Variants in TIMD4 observed in about 807,000 individuals in gnomAD.
TIMD4 encodes the protein T-cell immunoglobulin and mucin domain-containing protein 4.
In TIMD4, 31 loss-of-function variants were observed where a neutral mutation model predicts 41.2. The ratio of observed to expected loss-of-function variants is 0.75; its 90% CI spans 0.57 to 1.01. The LOEUF is 1.01. Ranked by LOEUF, TIMD4 falls within the 50% of genes least tolerant of loss-of-function variation. The pLI is 0.00. For missense variants in TIMD4, 479 were observed against 472.5 expected, an observed-to-expected ratio of 1.01 and a Z score of -0.13; for synonymous variants, 204 against 177.1, an observed-to-expected ratio of 1.15 and a Z score of -1.21.
chr5:156,921,616 C>CCAA (rs1561542964), intron 7 of TIMD4, among the ~76,000 whole-genome samples: 4 of 47,254 alleles, frequency 8.5e-5, no homozygotes, highest in African/African-American at 1.4e-4. Context: ...GAGACTCTCT[C>CCAA]AAAAAAAAAA....
At position 156,954,585 on chromosome 5, in the gene TIMD4, GTCACCC is replaced by G; in HGVS notation, c.224_229del (p.Arg75_Val76del). On this transcript the variant is annotated inframe_deletion, in exon 2 of 9. Transcript: ENST00000274532. ...TCTATATTTTGCTGACTTTCTTGAG[GTCACCC>G]TCATTCCATCAGTGCGGATGAGCGC... 6.2e-7 allele frequency: 1 copy of G among 1,614,234 alleles called. No individual in the cohort carries two copies. The highest frequency in any genetic ancestry group is 8.5e-7 in the Non-Finnish European group (1 of 1,180,050).
intron 5 of TIMD4, among the ~76,000 whole-genome samples, chr5:156,946,475 T>C (rs1759742772): frequency 6.6e-6 from 1 of 151,876 alleles, no homozygotes; most frequent in Non-Finnish European, 1.5e-5. Flanking sequence ...AACTCTGAGC[T>C]TTTTTTTGTT....
chr5:156,929,580 G>T (rs1260321597), intron 5 of TIMD4, among the ~76,000 whole-genome samples: 1 of 152,238 alleles, frequency 6.6e-6, no homozygotes, highest in African/African-American at 2.4e-5. Flanking sequence ...AGAGATGGGA[G>T]TGATGCTGTC....
intron 5 of TIMD4, among the ~76,000 whole-genome samples, chr5:156,936,303 T>C (rs916141346): frequency 5.3e-5 from 8 of 152,144 alleles, no homozygotes; most frequent in African/African-American, 1.9e-4. Context: ...GCATTTGACC[T>C]AAAACACTCA....
intron 5 of TIMD4, among the ~76,000 whole-genome samples, chr5:156,939,921 T>C (rs1180307775): frequency 6.6e-6 from 1 of 152,172 alleles, no homozygotes; most frequent in African/African-American, 2.4e-5. Context: ...CAACTGAAAA[T>C]GCCATTCCCT....
At chr5:156,919,575 A>G (rs377690245) in intron 8 of TIMD4, 34 bp from the exon 9 acceptor site, 65 of 1,566,186 alleles carry the variant, frequency 4.2e-5, no homozygotes, top group Non-Finnish European at 5.5e-5. Context: ...ATAATGGGAA[A>G]CACAAGACTA....
Position 156,927,826 on chromosome 5 carries a change from G to A in TIMD4, c.845-1514C>T, listed in dbSNP as rs1370701012. Among the ~76,000 whole-genome samples the A allele has an allele frequency of 2.6e-5, 4 of 152,240 alleles. No individual in the cohort carries two copies. The East Asian group carries it at 7.7e-4, about 29-fold the overall frequency. ...AAGGAGTGGAGAAGGGTAAGTCTAGGGGAGAAAAGTGATGAGTTCACATTT... is the reference window on the plus strand; with the variant it reads ...AAGGAGTGGAGAAGGGTAAGTCTAGAGGAGAAAAGTGATGAGTTCACATTT... On this transcript the variant is annotated intron_variant, in intron 5 of 8. Transcript: ENST00000274532.
At chr5:156,928,048 G>A (rs1390410256) in intron 5 of TIMD4, among the ~76,000 whole-genome samples, 4 of 152,162 alleles carry the variant, frequency 2.6e-5, no homozygotes, top group Non-Finnish European at 4.4e-5. Context: ...GCTCATGCCT[G>A]TAATCCCAGC....
Position 156,922,217 on chromosome 5 carries a change from C to A in TIMD4, c.895-1G>T, listed in dbSNP as rs141448765. 3.2e-5 allele frequency: 51 copies of A among 1,610,320 alleles called. No individual in the cohort carries two copies. The highest frequency in any genetic ancestry group is 8.5e-6 in the Non-Finnish European group (10 of 1,176,848). On this transcript the variant is annotated splice_acceptor_variant, in intron 6 of 8. Coordinates refer to ENST00000274532, the MANE Select transcript of TIMD4 (RefSeq NM_138379.3). LOFTEE classifies it high-confidence loss of function. The stretch of plus-strand genomic sequence containing the variant: ...TCATTGACATGGGTATTCCATCCAT[C>A]TGATGGGACACAGGCAAGGAGATGG...
At chr5:156,944,559 C>T (rs1240743431) in intron 5 of TIMD4, among the ~76,000 whole-genome samples, 2 of 126,002 alleles carry the variant, frequency 1.6e-5, no homozygotes, top group Non-Finnish European at 3.1e-5. Context: ...GGCTGGAGTA[C>T]AGTGGCGCGA....
At chr5:156,931,669 C>T (rs1029707366) in intron 5 of TIMD4, among the ~76,000 whole-genome samples, 2 of 152,142 alleles carry the variant, frequency 1.3e-5, no homozygotes, top group Non-Finnish European at 2.9e-5. Context: ...ATTTTGGTCT[C>T]TTGAGTTCTT....
chr5:156,930,034 G>A (rs557066856), intron 5 of TIMD4, among the ~76,000 whole-genome samples: 3 of 152,254 alleles, frequency 2.0e-5, no homozygotes, highest in East Asian at 1.9e-4. Context: ...GCAGTGGCAC[G>A]ATCTTGGCTC....
intron 8 of TIMD4, among the ~76,000 whole-genome samples, chr5:156,920,015 T>G (rs1189172760): frequency 6.6e-6 from 1 of 152,190 alleles, no homozygotes; most frequent in East Asian, 1.9e-4. Flanking sequence ...CAAATACTAT[T>G]TTTAAAAAGG....
chr5:156,952,368 A>C (rs1016589331), intron 2 of TIMD4, among the ~76,000 whole-genome samples: 1 of 151,764 alleles, frequency 6.6e-6, no homozygotes, highest in East Asian at 1.9e-4. Flanking sequence ...TGCCCTTAAG[A>C]TAAAGAACCC....
At chr5:156,926,392 G>A in intron 5 of TIMD4, 80 bp from the exon 6 acceptor site, 1 of 1,433,550 alleles carries the variant, frequency 7.0e-7, no homozygotes, top group Middle Eastern at 1.8e-4. Context: ...GTAATTAAGA[G>A]TCCATCTGGA....
intron 1 of TIMD4, among the ~76,000 whole-genome samples, chr5:156,959,568 G>A (rs948623486): frequency 1.3e-5 from 2 of 152,142 alleles, no homozygotes; most frequent in Non-Finnish European, 2.9e-5. Flanking sequence ...TACAACCTAG[G>A]TCCTTATGCC....
At chr5:156,938,498 G>T (rs1759580566) in intron 5 of TIMD4, among the ~76,000 whole-genome samples, 1 of 152,084 alleles carries the variant, frequency 6.6e-6, no homozygotes, top group Admixed American at 6.6e-5. Context: ...TCAAGGTCTT[G>T]CTTCCCCAGT....
At position 156,952,949 on chromosome 5, in the gene TIMD4, G is replaced by C. The variant is rs531384074; in HGVS notation, c.401-1159C>G. The stretch of plus-strand genomic sequence containing the variant: ...AATGTGGTCTCTTTCAGACAGTAAA[G>C]ATTGGTTCATACCAACACCACTCAC... On this transcript the variant is annotated intron_variant, in intron 2 of 8. Transcript: ENST00000274532. Among the ~76,000 whole-genome samples the C allele has an allele frequency of 2.0e-5, 3 of 152,240 alleles. No individual in the cohort carries two copies. In the South Asian group the frequency reaches 6.2e-4, roughly 32 times the overall value.
chr5:156,956,146 C>A (rs770933669), intron 1 of TIMD4, among the ~76,000 whole-genome samples: 1 of 152,072 alleles, frequency 6.6e-6, no homozygotes, highest in Non-Finnish European at 1.5e-5. Flanking sequence ...CACTCACCCA[C>A]CCCCCAGCCT....
Sources: allele counts gnomAD v4.1 joint callset (sites outside exome capture counted in the v4.1 genomes callset), GRCh38; gene constraint gnomAD v4.1.1; transcripts MANE v1.5; gene names NCBI Gene and HGNC (gene_info 2026-07-23, HGNC 2026-07-21).